Variants in KHSRP observed in about 807,000 individuals in gnomAD.
KHSRP encodes the protein KH-type splicing regulatory protein.
In KHSRP, 13 loss-of-function variants were observed where a neutral mutation model predicts 94.9. That is an observed-to-expected ratio of 0.14 (90% confidence interval 0.09 to 0.22). The LOEUF (loss-of-function observed/expected upper bound fraction) is 0.22, where lower values mean the gene tolerates loss of function less well. Among genes scored for constraint, KHSRP ranks in the 10% least tolerant of loss-of-function variants. KHSRP has a pLI of 1.00. For synonymous variants in KHSRP, 495 were observed against 401.4 expected (o/e 1.23, Z -2.79); for missense variants, 710 against 1,010.0 (o/e 0.70, Z 4.03).
In KHSRP at chr19:6,413,583, A is replaced by G; in HGVS notation, c.*1441T>C. The G allele has an allele frequency of 4.5e-6, 1 of 221,850 alleles. No homozygotes were observed. The highest frequency in any genetic ancestry group is 9.7e-6 in the Non-Finnish European group (1 of 103,592). The allele number at this position is 221,850 out of a possible 1,614,324, so 13.7% of individuals were successfully genotyped here. A position where few individuals can be genotyped will look rare whatever the true frequency, so the allele number is the denominator to read the frequency against. ...CTGGGGGAAGGGGTCCTGCAATACA[A>G]CACCTGGTCCAAGGAATGTTCCACC... On this transcript the variant is annotated 3_prime_UTR_variant, in exon 19 of 19. Transcript: ENST00000600480.
chr19:6,414,016 A>G lies in KHSRP; in HGVS notation c.*1008T>C. 7.0e-7 allele frequency: 1 copy of G among 1,418,530 alleles called. No homozygotes were observed. Among genetic ancestry groups the G allele is most frequent in the Non-Finnish European group, 9.3e-7 (1 of 1,069,924 alleles). The allele number at this position is 1,418,530 out of a possible 1,614,324, so 87.9% of individuals were successfully genotyped here. ...CTCCCCAGTACTCCCCACGGCAGCC[A>G]TCGCTCTCTCGCCAAACAAAACAGA... On this transcript the variant is annotated 3_prime_UTR_variant, in exon 19 of 19. Coordinates refer to ENST00000600480, the MANE Select transcript of KHSRP (RefSeq NM_001366299.1).
chr19:6,421,742 G>A (rs1444437237), intron 2 of KHSRP, 54 bp from the exon 3 acceptor site: 3 of 1,599,236 alleles, frequency 1.9e-6, no homozygotes, highest in Non-Finnish European at 1.7e-6. Flanking sequence ...CGGCCGCCTC[G>A]AACCTGATGC....
intron 2 of KHSRP, 29 bp downstream of exon 2, chr19:6,422,311 C>T: frequency 6.6e-7 from 1 of 1,524,720 alleles, no homozygotes; most frequent in South Asian, 1.1e-5. Flanking sequence ...GCCCTTCCTC[C>T]TAAGCTAAAG....
At position 6,418,905 on chromosome 19, in the gene KHSRP, G is replaced by T; in HGVS notation, c.606-29C>A. 6.6e-7 allele frequency: 1 copy of T among 1,519,272 alleles called. No individual in the cohort carries two copies. The allele number at this position is 1,519,272 out of a possible 1,614,324, so 94.1% of individuals were successfully genotyped here. A position where few individuals can be genotyped will look rare whatever the true frequency, so the allele number is the denominator to read the frequency against. On this transcript the variant is annotated intron_variant, in intron 7 of 18. Coordinates refer to ENST00000600480, the MANE Select transcript of KHSRP (RefSeq NM_001366299.1). The surrounding 1 kb of genome is among the most constrained non-coding windows in gnomAD (Gnocchi z 4.3). ...GGAAGGGGAGGAGCGGGGGATGAGC[G>T]GGTGCCACCGCTGGAGAAAGGTACT...
rs57918812 is a variant in KHSRP, at chr19:6,413,422, G to T, written c.*1602C>A. Reference sequence around the variant, plus strand: ...TAAAAACTGCCATACAATTTTTTTTGTTGTTCTCATTTTGTTTTCAGTTTC... The same window carrying T: ...TAAAAACTGCCATACAATTTTTTTTTTTGTTCTCATTTTGTTTTCAGTTTC... On this transcript the variant is annotated 3_prime_UTR_variant, in exon 19 of 19. Transcript: ENST00000600480. 17 of 404,102 alleles carry T rather than the reference G, an allele frequency of 4.2e-5. No homozygotes were observed. The highest frequency in any genetic ancestry group is 2.6e-4 in the African/African-American group (12 of 45,922). The allele number at this position is 404,102 out of a possible 1,614,324, so 25.0% of individuals were successfully genotyped here. A position where few individuals can be genotyped will look rare whatever the true frequency, so the allele number is the denominator to read the frequency against.
rs1715162653 is a variant in KHSRP, at chr19:6,424,517, G to T, written c.185C>A (p.Pro62His). Residue 62 changes from proline to histidine, a missense_variant, in exon 1 of 19, where the codon CCC becomes CAC. By Grantham distance (77) the Pro-to-His change is moderately conservative (BLOSUM62 -2). Around this residue, in one of 5 missense-constraint regions of KHSRP, gnomAD observed 92 missense variants for 80.8 expected, o/e 1.14. Transcript: ENST00000600480. ...GCGGATTCCCGGGCCGCCTCCGCCG[G>T]GTGGCTGAGAGGGGCCCCCGGCCGA... ...GGSAGGPSQP[P>H]GGGGPGIRKD... The T allele has an allele frequency of 3.0e-6, 3 of 986,080 alleles. No homozygotes were observed. The highest frequency in any genetic ancestry group is 2.3e-4 in the East Asian group (2 of 8,836). 61.1% of individuals were successfully genotyped at this position (986,080 alleles called of 1,614,324 possible). A position where few individuals can be genotyped will look rare whatever the true frequency, so the allele number is the denominator to read the frequency against.
At chr19:6,421,188 T>C in intron 4 of KHSRP, 90 bp downstream of exon 4, 1 of 1,195,888 alleles carries the variant, frequency 8.4e-7, no homozygotes, top group Non-Finnish European at 1.2e-6. Context: ...CTGAGAGATG[T>C]GCCCCCAGTC....
Position 6,418,028 on chromosome 19 carries a change from A to G in KHSRP, c.931T>C (p.Phe311Leu). Residue 311 changes from phenylalanine (F) to leucine (L), a missense_variant, in exon 10 of 19, where the codon TTT becomes CTT. Coordinates refer to ENST00000600480, the MANE Select transcript of KHSRP (RefSeq NM_001366299.1). The surrounding 1 kb of genome is among the most constrained non-coding windows in gnomAD (Gnocchi z 4.3). ...GATCCGTACTCATTCCGGTCCCCAA[A>G]GCCGCCTTGGTCACGTTCCCGGAGG... ...DILRERDQGGFGDRNEYGSRI... is the reference protein window; with the variant it reads ...DILRERDQGGLGDRNEYGSRI... 6.2e-7 allele frequency: 1 copy of G among 1,613,888 alleles called. No homozygotes were observed. The highest frequency in any genetic ancestry group is 1.1e-5 in the South Asian group (1 of 91,078).
intron 11 of KHSRP, 39 bp downstream of exon 11, chr19:6,417,697 TGGG>T: frequency 6.5e-7 from 1 of 1,542,316 alleles, no homozygotes; most frequent in Non-Finnish European, 8.9e-7. Context: ...CCAAAGAGGG[TGGG>T]GGTGCACTGG....
Position 6,414,255 on chromosome 19 carries a change from G to T in KHSRP, c.*769C>A. ...CCCTCCCAAACCTGCGCTGGCTCAGGCTGGAAGGACGTGCTTGTTAACTGT... is the reference window on the plus strand; with the variant it reads ...CCCTCCCAAACCTGCGCTGGCTCAGTCTGGAAGGACGTGCTTGTTAACTGT... On this transcript the variant is annotated 3_prime_UTR_variant, in exon 19 of 19. Coordinates refer to ENST00000600480, the MANE Select transcript of KHSRP (RefSeq NM_001366299.1). 6.8e-7 allele frequency: 1 copy of T among 1,478,344 alleles called. No homozygotes were observed. Among genetic ancestry groups the T allele is most frequent in the Non-Finnish European group, 9.0e-7 (1 of 1,112,432 alleles). 91.6% of individuals were successfully genotyped at this position (1,478,344 alleles called of 1,614,324 possible). A position where few individuals can be genotyped will look rare whatever the true frequency, so the allele number is the denominator to read the frequency against.
At chr19:6,420,372 T>C in intron 5 of KHSRP, 50 bp downstream of exon 5, 5 of 1,581,428 alleles carry the variant, frequency 3.2e-6, no homozygotes, top group African/African-American at 1.3e-5. Flanking sequence ...CACAGGACAC[T>C]TCCTCCTGGG....
rs1208349540 is a variant in KHSRP, at chr19:6,413,756, G to A, written c.*1268C>T. 6.6e-6 allele frequency: 1 copy of A among 151,994 alleles called. No individual in the cohort carries two copies. The highest frequency in any genetic ancestry group is 6.6e-5 in the Admixed American group (1 of 15,216). 9.4% of individuals were successfully genotyped at this position (151,994 alleles called of 1,614,324 possible). A position where few individuals can be genotyped will look rare whatever the true frequency, so the allele number is the denominator to read the frequency against. On this transcript the variant is annotated 3_prime_UTR_variant, in exon 19 of 19. Coordinates refer to ENST00000600480, the MANE Select transcript of KHSRP (RefSeq NM_001366299.1). Reference sequence around the variant, plus strand: ...CAGGAAGGCTGGGGGGTGAAGAATAGAGACTTTTTAATATATATATATATA... The same window carrying A: ...CAGGAAGGCTGGGGGGTGAAGAATAAAGACTTTTTAATATATATATATATA...
Position 6,414,415 on chromosome 19 carries a change from A to AGG in KHSRP, c.*607_*608dup. Reference sequence around the variant, plus strand: ...CGTAGGGGAGCTGCCCTGTCTCCGGAGGGCGGTGGCTCCCGGCGCAGCACG... The same window carrying AGG: ...CGTAGGGGAGCTGCCCTGTCTCCGGAGGGGGCGGTGGCTCCCGGCGCAGCACG... On this transcript the variant is annotated 3_prime_UTR_variant, in exon 19 of 19. Transcript: ENST00000600480. The AGG allele has an allele frequency of 7.8e-6, 10 of 1,274,568 alleles. No individual in the cohort carries two copies. The highest frequency in any genetic ancestry group is 9.9e-6 in the Non-Finnish European group (10 of 1,008,896). The allele number at this position is 1,274,568 out of a possible 1,614,324, so 79.0% of individuals were successfully genotyped here.
In KHSRP at chr19:6,414,244, C is replaced by G. The variant is rs185800143; in HGVS notation, c.*780G>C. 14 of 1,497,506 alleles carry G rather than the reference C, an allele frequency of 9.3e-6. No individual in the cohort carries two copies. The highest frequency in any genetic ancestry group is 1.1e-5 in the Non-Finnish European group (12 of 1,122,404). The allele number at this position is 1,497,506 out of a possible 1,614,324, so 92.8% of individuals were successfully genotyped here. On this transcript the variant is annotated 3_prime_UTR_variant, in exon 19 of 19. Coordinates refer to ENST00000600480, the MANE Select transcript of KHSRP (RefSeq NM_001366299.1). ...GCCAGGAAGCCCCCTCCCAAACCTG[C>G]GCTGGCTCAGGCTGGAAGGACGTGC... is the stretch of plus-strand genomic sequence containing the variant.
chr19:6,416,828 GGCCTCGGCCCCCCGGGGGCAT>G lies in KHSRP; in HGVS notation c.1216_1236del (p.Met406_Gly412del), dbSNP rs760174299. ...CCCCAATTGCCTTGGCCTCTTCCTC[GGCCTCGGCCCCCCGGGGGCAT>G]GCCTGGACCCCCTGGAGGACCTGGG... On this transcript the variant is annotated inframe_deletion, in exon 13 of 19. Transcript: ENST00000600480. 1 of 1,587,606 alleles carries G rather than the reference GGCCTCGGCCCCCCGGGGGCAT, an allele frequency of 6.3e-7. No individual in the cohort carries two copies. Among genetic ancestry groups the G allele is most frequent in the Non-Finnish European group, 8.6e-7 (1 of 1,167,772 alleles).
At chr19:6,421,525 C>A in intron 3 of KHSRP, 125 bp downstream of exon 3, 1 of 1,154,160 alleles carries the variant, frequency 8.7e-7, no homozygotes, top group South Asian at 1.3e-5. Flanking sequence ...AACGTATGGG[C>A]CCCAGAATGA....
In KHSRP at chr19:6,417,984, G is replaced by A. The variant is rs201756205; in HGVS notation, c.975C>T (p.Ile325=). Residue 325 remains isoleucine (I), a synonymous_variant, in exon 10 of 19, where the codon ATC becomes ATT. Transcript: ENST00000600480. ...TGAAGGCAGGGCCCACACTCACATC[G>A]ATGCCTCCGCCAATCCGAGATCCGT... ...NEYGSRIGGG[I]DVPVPRHSVG... 1.6e-3 allele frequency: 2,614 copies of A among 1,613,710 alleles called. 3 individuals carry two copies. The highest frequency in any genetic ancestry group is 2.0e-3 in the Non-Finnish European group (2,367 of 1,179,676).
Position 6,416,800 on chromosome 19 carries a change from G to A in KHSRP, c.1265C>T (p.Pro422Leu). The A allele has an allele frequency of 1.3e-6, 2 of 1,586,698 alleles. No individual in the cohort carries two copies. The highest frequency in any genetic ancestry group is 1.7e-6 in the Non-Finnish European group (2 of 1,166,554). Residue 422 changes from proline (P) to leucine (L), a missense_variant, in exon 13 of 19, where the codon CCC becomes CTC. Pro to Leu is a moderately conservative substitution (Grantham distance 98). Transcript: ENST00000600480. Reference sequence around the variant, plus strand: ...GGAGAAGGTCATCTCCCCGCCAGGGGGACCCCAATTGCCTTGGCCTCTTCC... The same window carrying A: ...GGAGAAGGTCATCTCCCCGCCAGGGAGACCCCAATTGCCTTGGCCTCTTCC... Reference protein sequence around the residue: ...GRGRGQGNWGPPGGEMTFSIP... With the variant: ...GRGRGQGNWGLPGGEMTFSIP...
At chr19:6,419,310 A>AAGGCCTGCCTTGGACACGAGGAAACTTTC in intron 6 of KHSRP, 50 bp from the exon 7 acceptor site, 1 of 1,507,440 alleles carries the variant, frequency 6.6e-7, no homozygotes, top group East Asian at 2.5e-5. Context: ...CAGGCAGAGA[A>AAGGCCTGCCTTGGACACGAGGAAACTTTC]AGGCCTGCCT....
Sources: allele counts gnomAD v4.1 joint callset, GRCh38; gene constraint gnomAD v4.1.1; regional missense constraint gnomAD v4.1.1; non-coding constraint Gnocchi (gnomAD v3.1); transcripts MANE v1.5; gene names NCBI Gene and HGNC (gene_info 2026-07-23, HGNC 2026-07-21).